ANK3: variants seen among roughly 807,000 people sequenced by gnomAD.
The protein encoded by ANK3 is ankyrin-3.
In ANK3, 57 loss-of-function variants were observed where a neutral mutation model predicts 370.9. The observed-to-expected ratio is 0.15, with a 90% CI of 0.12 to 0.19. The LOEUF is 0.19. ANK3 is among the 10% of genes least tolerant of loss of function. ANK3 has a pLI of 1.00. For synonymous variants in ANK3, 1,929 were observed against 1,946.3 expected, an observed-to-expected ratio of 0.99 and a Z score of 0.23; for missense variants, 4,439 against 5,302.1, an observed-to-expected ratio of 0.84 and a Z score of 5.06.
intron 1 of ANK3, among the ~76,000 whole-genome samples, chr10:60,368,724 G>C (rs1025673502): frequency 6.6e-6 from 1 of 152,146 alleles, no homozygotes; most frequent in African/African-American, 2.4e-5. Context: ...ATGTGTTTTA[G>C]AAGCAATAGA....
chr10:60,198,497 T>C lies in ANK3; in HGVS notation c.1532A>G (p.Lys511Arg). 6.2e-7 allele frequency: 1 copy of C among 1,614,216 alleles called. No individual in the cohort carries two copies. Among genetic ancestry groups the C allele is most frequent in the South Asian group, 1.1e-5 (1 of 91,080 alleles). ...TPLHISARLG[K>R]ADIVQQLLQQ... is the part of the protein sequence containing the mutation. ...CAACAGCTGTTGTACTATGTCTGCT[T>C]TCCCCAGTCGGGCTGAAATGTGGAG... Residue 511 changes from lysine (K) to arginine (R), a missense_variant, in exon 14 of 44, where the codon AAA (lysine) becomes AGA (arginine). Coordinates refer to ENST00000280772, the MANE Select transcript of ANK3 (RefSeq NM_020987.5).
intron 12 of ANK3, among the ~76,000 whole-genome samples, chr10:60,201,871 C>A (rs1441250237): frequency 5.3e-5 from 8 of 151,904 alleles, no homozygotes; most frequent in Non-Finnish European, 7.4e-5. Flanking sequence ...ACCACCACGC[C>A]CAGCTAATTC....
intron 2 of ANK3, among the ~76,000 whole-genome samples, chr10:60,556,904 C>T (rs904080420): frequency 3.3e-5 from 5 of 152,172 alleles, no homozygotes; most frequent in East Asian, 1.9e-4. Flanking sequence ...GGATCAGCTG[C>T]GGCATTAGAT....
chr10:60,619,027 A>G (rs549476922), intron 1 of ANK3, among the ~76,000 whole-genome samples: 18 of 152,204 alleles, frequency 1.2e-4, no homozygotes, highest in African/African-American at 4.3e-4. Flanking sequence ...AAAATTACCC[A>G]GGCCATCCTC....
intron 10 of ANK3, among the ~76,000 whole-genome samples, chr10:60,206,292 G>A (rs1299456934): frequency 1.3e-5 from 2 of 152,064 alleles, no homozygotes; most frequent in African/African-American, 2.4e-5. Context: ...GGCCAACACG[G>A]TGAAACCCCA....
chr10:60,390,720 A>T (rs933459002), upstream of ANK3, among the ~76,000 whole-genome samples: 24 of 130,422 alleles, frequency 1.8e-4, no homozygotes, highest in African/African-American at 6.8e-4. Context: ...GAGACCTAGT[A>T]AAAAAAAGAA....
rs140414385 is a variant in ANK3 at position 60,141,351 on chromosome 10, G to T, written c.2615-2264C>A. Among the ~76,000 whole-genome samples the T allele has an allele frequency of 1.1e-3, 165 of 152,168 alleles. 1 individual carries two copies. Among genetic ancestry groups the T allele is most frequent in the African/African-American group, 3.5e-3 (147 of 41,520 alleles). On this transcript the variant is annotated intron_variant, in intron 23 of 43. Transcript: ENST00000280772. ...CTGGAGGAAGTGCAAAGCAAAGGGA[G>T]AACTGGGGTTGGCTGGAGAGGCCTC...
At chr10:60,035,638 C>T (rs2074790366) in intron 43 of ANK3, among the ~76,000 whole-genome samples, 1 of 151,940 alleles carries the variant, frequency 6.6e-6, no homozygotes, top group Admixed American at 6.6e-5. Flanking sequence ...AATCAAGCCA[C>T]CTGCCTCTAG....
rs1241590385 is a variant in ANK3 at position 60,179,686 on chromosome 10, A to G, written c.2184+1643T>C. Among the ~76,000 whole-genome samples, 22 of 63,608 alleles carry G rather than the reference A, an allele frequency of 3.5e-4. 1 individual carries two copies. Among genetic ancestry groups the G allele is most frequent in the Non-Finnish European group, 3.0e-5 (1 of 33,154 alleles). The allele number at this position is 63,608 out of a possible 152,430, so 41.7% of individuals were successfully genotyped here. A position where few individuals can be genotyped will look rare whatever the true frequency, so the allele number is the denominator to read the frequency against. ...ACAGAGTGAGACTCCCTCTTGGAGG[A>G]AAAAAAAAAAAAAAGACTACCAACT... On this transcript the variant is annotated intron_variant, in intron 18 of 43. Coordinates refer to ENST00000280772, the MANE Select transcript of ANK3 (RefSeq NM_020987.5).
chr10:60,272,423 C>T (rs2098007669), intron 4 of ANK3, among the ~76,000 whole-genome samples: 1 of 152,056 alleles, frequency 6.6e-6, no homozygotes, highest in African/African-American at 2.4e-5. Context: ...CTGAAACTTC[C>T]AGAGGGCAGG....
In ANK3 at chr10:60,670,944, T is replaced by C. The variant is rs555292826; in HGVS notation, c.58-55720A>G. 5.9e-5 allele frequency among the ~76,000 whole-genome samples: 9 copies of C among 152,278 alleles called. No homozygotes were observed. In the South Asian group the frequency reaches 1.7e-3, roughly 28 times the overall value. On this transcript the variant is annotated intron_variant, in intron 1 of 43. Transcript: ENST00000373827. ...ACAGCAAGGATGTAACAACTGAAGG[T>C]GTAGCAGCCATATGAGGACACAATG...
intron 24 of ANK3, 53 bp from the exon 25 acceptor site, chr10:60,134,426 T>TAA: frequency 7.2e-7 from 1 of 1,384,154 alleles, no homozygotes. Flanking sequence ...ATGAGATGAA[T>TAA]AAAAAAAAAT....
At chr10:60,057,827 T>C (rs1308824905) in intron 41 of ANK3, among the ~76,000 whole-genome samples, 1 of 152,220 alleles carries the variant, frequency 6.6e-6, no homozygotes, top group Non-Finnish European at 1.5e-5. Context: ...TATCTGAACA[T>C]AGACATCAAA....
At chr10:60,102,063 T>A (rs1275163444) in intron 28 of ANK3, among the ~76,000 whole-genome samples, 2 of 151,688 alleles carry the variant, frequency 1.3e-5, no homozygotes, top group East Asian at 3.9e-4. Flanking sequence ...GTGTGTGTCA[T>A]CATAATCAAC....
chr10:60,367,375 C>T (rs2059530946), intron 1 of ANK3, among the ~76,000 whole-genome samples: 1 of 152,194 alleles, frequency 6.6e-6, no homozygotes, highest in Non-Finnish European at 1.5e-5. Flanking sequence ...TTACAATTAC[C>T]TTCTTAACTA....
chr10:60,538,420 GC>G (rs2076771476), intron 2 of ANK3, among the ~76,000 whole-genome samples: 1 of 151,842 alleles, frequency 6.6e-6, no homozygotes, highest in Non-Finnish European at 1.5e-5. Flanking sequence ...CCTTGGAAAA[GC>G]AAATCAACTC....
At chr10:60,307,665 T>G (rs1353849276) in intron 1 of ANK3, among the ~76,000 whole-genome samples, 1 of 152,182 alleles carries the variant, frequency 6.6e-6, no homozygotes, top group Non-Finnish European at 1.5e-5. Flanking sequence ...AATGAAAGGC[T>G]GTGGACTCCC....
chr10:60,162,199 T>C (rs1355097177), intron 23 of ANK3, among the ~76,000 whole-genome samples: 1 of 152,166 alleles, frequency 6.6e-6, no homozygotes, highest in Non-Finnish European at 1.5e-5. Context: ...GGAATAGCAA[T>C]GAAAGAGATG....
Position 60,227,077 on chromosome 10 carries a change from G to T in ANK3, c.897+7611C>A, listed in dbSNP as rs143427986. ...AGAAATTTCTTCAGTATTTTAGTTC[G>T]TCTGGGCCTGATGGTAACAAAGTTA... On this transcript the variant is annotated intron_variant, in intron 8 of 43. Transcript: ENST00000280772. 7.1e-3 allele frequency among the ~76,000 whole-genome samples: 1,079 copies of T among 151,598 alleles called. 17 individuals carry two copies. Among genetic ancestry groups the T allele is most frequent in the African/African-American group, 0.024 (1,006 of 41,370 alleles).
Sources: gnomAD v4.1 joint callset for allele counts (sites outside exome capture counted in the v4.1 genomes callset) on GRCh38, gnomAD v4.1.1 for gene constraint, MANE v1.5 for transcripts, NCBI Gene and HGNC (gene_info 2026-07-23, HGNC 2026-07-21) for gene names.